Variants in MRPL19 observed in about 807,000 individuals in gnomAD.
MRPL19 encodes the protein mitochondrial ribosomal protein L19, also known as large ribosomal subunit protein bL19m.
A neutral mutation model predicts 34.0 loss-of-function variants in MRPL19; 31 were observed. The ratio of observed to expected loss-of-function variants is 0.91; its 90% CI spans 0.68 to 1.23. The LOEUF (loss-of-function observed/expected upper bound fraction) is 1.23. Ranked by LOEUF, MRPL19 falls within the 50% of genes most tolerant of loss-of-function variation. The probability of loss-of-function intolerance (pLI) is 0.00; values close to 1 mark genes in which losing one functional copy is unlikely to be tolerated. For missense variants in MRPL19, 384 were observed against 367.6 expected, an observed-to-expected ratio of 1.04 and a Z score of -0.37; for synonymous variants, 152 against 127.7, an observed-to-expected ratio of 1.19 and a Z score of -1.28.
At position 75,652,525 on chromosome 2, in the gene MRPL19, A is replaced by C; in HGVS notation, c.343A>C (p.Ser115Arg). 2 of 1,609,778 alleles carry C rather than the reference A, an allele frequency of 1.2e-6. No individual in the cohort carries two copies. Among genetic ancestry groups the C allele is most frequent in the South Asian group, 1.1e-5 (1 of 89,596 alleles). The change falls in exon 4 of 6, where the codon AGT becomes CGT. Residue 115 changes from serine (S) to arginine (R), a missense_variant and splice_region_variant. By Grantham distance (110) the Ser-to-Arg change is moderately radical (BLOSUM62 -1). Transcript: ENST00000393909. ...TCACTTCTCTTTTGAATTTGTAGGA[A>C]GTATTCTTCGTGTTACTACAGCTGA... ...VLHIPEFYVG[S>R]ILRVTTADPY...
Position 75,657,063 on chromosome 2 carries a change from A to G in MRPL19, c.*1778A>G, listed in dbSNP as rs1378500467. On this transcript the variant is annotated 3_prime_UTR_variant, in exon 6 of 6. Transcript: ENST00000393909. ...TTATCTATGGATTTGTTCACAGATA[A>G]GGGGTATTCAATATAGTGTATTTTT... The G allele has an allele frequency of 1.3e-5, 2 of 151,936 alleles. No individual in the cohort carries two copies. The highest frequency in any genetic ancestry group is 2.9e-5 in the Non-Finnish European group (2 of 68,000). 9.4% of individuals were successfully genotyped at this position (151,936 alleles called of 1,614,324 possible). A position where few individuals can be genotyped will look rare whatever the true frequency, so the allele number is the denominator to read the frequency against.
chr2:75,653,875 A>G (rs1314422713), intron 4 of MRPL19, among the ~76,000 whole-genome samples: 1 of 152,156 alleles, frequency 6.6e-6, no homozygotes, highest in African/African-American at 2.4e-5. Flanking sequence ...ACTTTCACAC[A>G]TGCAGTCAAT....
intron 4 of MRPL19, among the ~76,000 whole-genome samples, chr2:75,653,419 G>A (rs893313831): frequency 6.6e-6 from 1 of 152,198 alleles, no homozygotes; most frequent in African/African-American, 2.4e-5. Context: ...GAGCATAGGA[G>A]TGAGTCATTT....
rs1159163691 is a variant in MRPL19, at chr2:75,659,232, C to CT, written c.*3948dup. ...GTTAACATCCTACACTTAAAACAAT[C>CT]TAATTTAAACTGATACCAATTTACC... On this transcript the variant is annotated 3_prime_UTR_variant, in exon 6 of 6. Transcript: ENST00000393909. Among the ~76,000 whole-genome samples the CT allele has an allele frequency of 6.6e-6, 1 of 151,996 alleles. No homozygotes were observed. Among genetic ancestry groups the CT allele is most frequent in the Non-Finnish European group, 1.5e-5 (1 of 67,964 alleles).
intron 2 of MRPL19, chr2:75,651,143 G>T: frequency 3.0e-6 from 1 of 333,374 alleles, no homozygotes; most frequent in East Asian, 7.7e-5. Context: ...CTTGCCATGG[G>T]CAAGGTGCAT....
Position 75,658,481 on chromosome 2 carries a change from TTTGA to T in MRPL19, c.*3200_*3203del, listed in dbSNP as rs1474474797. Reference sequence around the variant, plus strand: ...TAAACATTGACATAACAAGTATGTATTTGATTGCCTGTTTCTAAGTTCTTTTGGG... The same window carrying T: ...TAAACATTGACATAACAAGTATGTATTTGCCTGTTTCTAAGTTCTTTTGGG... On this transcript the variant is annotated 3_prime_UTR_variant, in exon 6 of 6. Transcript: ENST00000393909. Among the ~76,000 whole-genome samples the T allele has an allele frequency of 6.6e-6, 1 of 152,166 alleles. No homozygotes were observed. The highest frequency in any genetic ancestry group is 1.5e-5 in the Non-Finnish European group (1 of 68,026).
chr2:75,654,281 C>G (rs1678390750), intron 4 of MRPL19, among the ~76,000 whole-genome samples: 1 of 152,124 alleles, frequency 6.6e-6, no homozygotes, highest in Non-Finnish European at 1.5e-5. Flanking sequence ...TCCCTTTAAT[C>G]CACTAATCCT....
intron 4 of MRPL19, among the ~76,000 whole-genome samples, chr2:75,653,941 C>T (rs1163337704): frequency 2.0e-5 from 3 of 152,154 alleles, no homozygotes; most frequent in Admixed American, 2.0e-4. Context: ...CTGTTCTTCC[C>T]TCTACATTGC....
At chr2:75,652,342 A>G in intron 3 of MRPL19, 82 bp downstream of exon 3, 1 of 1,332,864 alleles carries the variant, frequency 7.5e-7, no homozygotes, top group Non-Finnish European at 1.1e-6. Context: ...TTAAAAAGCA[A>G]AAGAAGATTG....
At chr2:75,652,372 A>G (rs986473975) in intron 3 of MRPL19, 112 bp downstream of exon 3, 5 of 1,281,012 alleles carry the variant, frequency 3.9e-6, no homozygotes, top group African/African-American at 3.0e-5. Context: ...TATCTGGGTT[A>G]TGCTCATATG....
Position 75,661,252 on chromosome 2 carries a change from G to A in MRPL19, c.*5967G>A, listed in dbSNP as rs1311498474. 6.6e-6 allele frequency: 1 copy of A among 152,096 alleles called. No homozygotes were observed. Among genetic ancestry groups the A allele is most frequent in the Non-Finnish European group, 1.5e-5 (1 of 68,002 alleles). 9.4% of individuals were successfully genotyped at this position (152,096 alleles called of 1,614,324 possible). Reference sequence around the variant, plus strand: ...GTTGCCTGTTCTTGACTCAGCATTTGCTTCATTGCTATAAACTTTTTACTG... The same window carrying A: ...GTTGCCTGTTCTTGACTCAGCATTTACTTCATTGCTATAAACTTTTTACTG... On this transcript the variant is annotated 3_prime_UTR_variant, in exon 6 of 6. Transcript: ENST00000393909.
chr2:75,652,099 C>T (rs768706498), intron 2 of MRPL19, 43 bp from the exon 3 acceptor site: 1 of 1,176,402 alleles, frequency 8.5e-7, no homozygotes, highest in Non-Finnish European at 1.2e-6. Context: ...CTTCTAGCAG[C>T]CTTTTGAGTT....
In MRPL19 at chr2:75,659,596, G is replaced by C. The variant is rs1404411747; in HGVS notation, c.*4311G>C. On this transcript the variant is annotated 3_prime_UTR_variant, in exon 6 of 6. Coordinates refer to ENST00000393909, the MANE Select transcript of MRPL19 (RefSeq NM_014763.4). ...CTCCCTCAGCTTTTGTTTTATCTGA[G>C]AATGTCTTGATTTCTCCCTTATTTT... Among the ~76,000 whole-genome samples the C allele has an allele frequency of 1.3e-5, 2 of 152,112 alleles. No individual in the cohort carries two copies. Among genetic ancestry groups the C allele is most frequent in the Admixed American group, 1.3e-4 (2 of 15,258 alleles).
In MRPL19 at chr2:75,659,837, C is replaced by T. The variant is rs547530524; in HGVS notation, c.*4552C>T. Among the ~76,000 whole-genome samples the T allele has an allele frequency of 1.3e-5, 2 of 152,068 alleles. No homozygotes were observed. Among genetic ancestry groups the T allele is most frequent in the African/African-American group, 2.4e-5 (1 of 41,418 alleles). ...GTCTTTTGACAGTTTGATTATAACG[C>T]GGCTCAGTGTGGGTCTCTGAGTTTA... On this transcript the variant is annotated 3_prime_UTR_variant, in exon 6 of 6. Transcript: ENST00000393909.
In MRPL19 at chr2:75,655,157, G is replaced by A. The variant is rs1455028912; in HGVS notation, c.751G>A (p.Glu251Lys). Residue 251 changes from glutamate (E) to lysine (K), a missense_variant, in exon 6 of 6, where the codon GAA becomes AAA. Coordinates refer to ENST00000393909, the MANE Select transcript of MRPL19 (RefSeq NM_014763.4). ...KGIRFDLCLT[E>K]QQMKEAQKWN... ...AATCAGATTTGATCTTTGTTTAACTGAACAGCAAATGAAAGAAGCTCAGAA... is the reference window on the plus strand; with the variant it reads ...AATCAGATTTGATCTTTGTTTAACTAAACAGCAAATGAAAGAAGCTCAGAA... The A allele has an allele frequency of 6.2e-7, 1 of 1,610,190 alleles. No homozygotes were observed. Among genetic ancestry groups the A allele is most frequent in the African/African-American group, 1.3e-5 (1 of 74,084 alleles).
chr2:75,646,825 A>T lies in MRPL19; in HGVS notation c.18A>T (p.Ala6=), dbSNP rs185725010. MAACI[A]AGHWAAMGLG... is the part of the protein sequence containing the mutation. Reference sequence around the variant, plus strand: ...TAGCTGGCATGGCGGCCTGCATTGCAGCGGGGCACTGGGCTGCAATGGGCC... The same window carrying T: ...TAGCTGGCATGGCGGCCTGCATTGCTGCGGGGCACTGGGCTGCAATGGGCC... The change falls in exon 1 of 6, where the codon GCA becomes GCT. Residue 6 remains alanine (A), a synonymous_variant. Coordinates refer to ENST00000393909, the MANE Select transcript of MRPL19 (RefSeq NM_014763.4). 8.1e-5 allele frequency: 127 copies of T among 1,562,170 alleles called. No homozygotes were observed. The African/African-American group carries it at 1.4e-3, about 17-fold the overall frequency.
Position 75,660,813 on chromosome 2 carries a change from A to C in MRPL19, c.*5528A>C, listed in dbSNP as rs1272218381. The C allele has an allele frequency of 6.6e-6, 1 of 152,232 alleles. No homozygotes were observed. The highest frequency in any genetic ancestry group is 1.9e-4 in the East Asian group (1 of 5,194). 9.4% of individuals were successfully genotyped at this position (152,232 alleles called of 1,614,324 possible). A position where few individuals can be genotyped will look rare whatever the true frequency, so the allele number is the denominator to read the frequency against. ...GGGTCTTTGCAGATCTTGTCTGAGC[A>C]TGCTTCTTGCTGTGTATGCACGTAG... On this transcript the variant is annotated 3_prime_UTR_variant, in exon 6 of 6. Transcript: ENST00000393909.
chr2:75,654,781 T>C lies in MRPL19; in HGVS notation c.521T>C (p.Ile174Thr), dbSNP rs1558720818. 4 of 1,613,846 alleles carry C rather than the reference T, an allele frequency of 2.5e-6. No individual in the cohort carries two copies. The South Asian group carries it at 4.4e-5, about 18-fold the overall frequency. The change falls in exon 5 of 6, where the codon ATT becomes ACT. Residue 174 changes from isoleucine (I) to threonine (T), a missense_variant. By Grantham distance (89) the Ile-to-Thr change is moderately conservative. Transcript: ENST00000393909. ...CTTTATAATCCTCGGGTCCAGGAGA[T>C]TCAGGTGGTCAAATTAGAGAAACGG... ...FELYNPRVQEIQVVKLEKRLD... is the reference protein window; with the variant it reads ...FELYNPRVQETQVVKLEKRLD...
At position 75,655,729 on chromosome 2, in the gene MRPL19, A is replaced by T. The variant is rs3732304; in HGVS notation, c.*444A>T. On this transcript the variant is annotated 3_prime_UTR_variant, in exon 6 of 6. Transcript: ENST00000393909. ...ATGTTAAGAAATAAAACATTTAATAAGATCTCAGAAGACTCCAGTAAATCT... is the reference window on the plus strand; with the variant it reads ...ATGTTAAGAAATAAAACATTTAATATGATCTCAGAAGACTCCAGTAAATCT... 2 of 152,398 alleles carry T rather than the reference A, an allele frequency of 1.3e-5. No homozygotes were observed. The highest frequency in any genetic ancestry group is 4.8e-5 in the African/African-American group (2 of 41,440). The allele number at this position is 152,398 out of a possible 1,614,324, so 9.4% of individuals were successfully genotyped here.
Sources: gnomAD v4.1 joint callset for allele counts (sites outside exome capture counted in the v4.1 genomes callset) on GRCh38, gnomAD v4.1.1 for gene constraint, MANE v1.5 for transcripts, NCBI Gene and HGNC (gene_info 2026-07-23, HGNC 2026-07-21) for gene names.